Variants in MGAT4C observed in about 807,000 individuals in gnomAD.
MGAT4C encodes the protein alpha-1,3-mannosyl-glycoprotein 4-beta-N-acetylglucosaminyltransferase C.
A neutral mutation model predicts 40.1 loss-of-function variants in MGAT4C; 19 were observed. The ratio of observed to expected loss-of-function variants is 0.47; its 90% CI spans 0.33 to 0.70. The LOEUF (loss-of-function observed/expected upper bound fraction) is 0.70, where lower values mean the gene tolerates loss of function less well. Among genes scored for constraint, MGAT4C ranks in the 30% least tolerant of loss-of-function variants. MGAT4C has a pLI of 0.02. For synonymous variants in MGAT4C, 181 were observed against 187.1 expected, an observed-to-expected ratio of 0.97 and a Z score of 0.27; for missense variants, 491 against 563.2, an observed-to-expected ratio of 0.87 and a Z score of 1.30.
At chr12:86,359,978 T>A (rs1358026015) in intron 3 of MGAT4C, among the ~76,000 whole-genome samples, 1 of 152,166 alleles carries the variant, frequency 6.6e-6, no homozygotes, top group East Asian at 1.9e-4. Flanking sequence ...TAACTCTTTT[T>A]ATGAGGCCAG....
intron 2 of MGAT4C, among the ~76,000 whole-genome samples, chr12:86,684,050 T>C (rs908945648): frequency 3.3e-5 from 5 of 152,192 alleles, no homozygotes; most frequent in Admixed American, 2.0e-4. Context: ...CTACACCCAA[T>C]TATTCATTAC....
At chr12:86,561,577 G>T (rs1168623405) in intron 2 of MGAT4C, among the ~76,000 whole-genome samples, 1 of 152,098 alleles carries the variant, frequency 6.6e-6, no homozygotes. Context: ...TTTTCCAGGG[G>T]CTCTCAGGTC....
At position 85,969,253 on chromosome 12, in the gene MGAT4C, T is replaced by C. The variant is rs1477813986; in HGVS notation, c.*10036A>G. On this transcript the variant is annotated 3_prime_UTR_variant, in exon 5 of 5. Transcript: ENST00000611864. ...TACCAAATACATATTAAACACTCAG[T>C]TCATGTAAGCTATAGGCCAATAAAC... 1 of 151,698 alleles carries C rather than the reference T, an allele frequency of 6.6e-6. No homozygotes were observed. Among genetic ancestry groups the C allele is most frequent in the Non-Finnish European group, 1.5e-5 (1 of 67,708 alleles). The allele number at this position is 151,698 out of a possible 1,614,324, so 9.4% of individuals were successfully genotyped here.
intron 1 of MGAT4C, among the ~76,000 whole-genome samples, chr12:86,237,304 C>T (rs772345459): frequency 1.7e-4 from 26 of 151,702 alleles, no homozygotes; most frequent in Middle Eastern, 3.4e-3. Flanking sequence ...AATAATCCTA[C>T]GTTTTCTTAT....
At position 86,515,404 on chromosome 12, in the gene MGAT4C, TATA is replaced by T. The variant is rs577735935; in HGVS notation, c.-228-80142_-228-80140del. Reference sequence around the variant, plus strand: ...AAAATTCTACAGAATTTAAAAAGCATATAATAACTTATAAACAAATTCAGCAAG... The same window carrying T: ...AAAATTCTACAGAATTTAAAAAGCATATAACTTATAAACAAATTCAGCAAG... On this transcript the variant is annotated intron_variant, in intron 2 of 7. Coordinates refer to the MGAT4C transcript ENST00000548651. Among the ~76,000 whole-genome samples the T allele has an allele frequency of 2.5e-3, 383 of 152,232 alleles. 1 individual carries two copies. Among genetic ancestry groups the T allele is most frequent in the Non-Finnish European group, 3.2e-3 (215 of 68,002 alleles).
intron 2 of MGAT4C, among the ~76,000 whole-genome samples, chr12:86,699,497 CAG>C (rs1328766096): frequency 6.6e-6 from 1 of 151,988 alleles, no homozygotes; most frequent in East Asian, 1.9e-4. Flanking sequence ...AGGACCAGAA[CAG>C]AGTTAAGTTT....
intron 1 of MGAT4C, among the ~76,000 whole-genome samples, chr12:86,130,858 A>G (rs1425560816): frequency 6.6e-6 from 1 of 152,040 alleles, no homozygotes; most frequent in East Asian, 1.9e-4. Context: ...ATATATGCTG[A>G]TGCACAATAC....
chr12:86,510,775 C>G (rs1383792075), intron 2 of MGAT4C, among the ~76,000 whole-genome samples: 1 of 152,150 alleles, frequency 6.6e-6, no homozygotes, highest in Non-Finnish European at 1.5e-5. Flanking sequence ...GGGATCAATT[C>G]AACAAGAAGA....
chr12:86,443,917 AG>A (rs1957285482), intron 2 of MGAT4C, among the ~76,000 whole-genome samples: 1 of 152,082 alleles, frequency 6.6e-6, no homozygotes, highest in Admixed American at 6.5e-5. Flanking sequence ...CTTTTAACAA[AG>A]TTTTACCAAA....
Position 86,669,778 on chromosome 12 carries a change from G to A in MGAT4C, c.-229+57431C>T, listed in dbSNP as rs1964207444. On this transcript the variant is annotated intron_variant, in intron 2 of 7. Coordinates refer to the MGAT4C transcript ENST00000548651. Reference sequence around the variant, plus strand: ...CTCCACAGAATAGCCCATTGCCTAGGCAGCAAAGAACTGCTTACAGTAAAC... The same window carrying A: ...CTCCACAGAATAGCCCATTGCCTAGACAGCAAAGAACTGCTTACAGTAAAC... Among the ~76,000 whole-genome samples, 3 of 152,340 alleles carry A rather than the reference G, an allele frequency of 2.0e-5. No homozygotes were observed. In the South Asian group the frequency reaches 6.2e-4, roughly 32 times the overall value.
chr12:86,119,461 T>C (rs974955289), intron 1 of MGAT4C, among the ~76,000 whole-genome samples: 1 of 152,052 alleles, frequency 6.6e-6, no homozygotes, highest in African/African-American at 2.4e-5. Flanking sequence ...AGTCTTGCTC[T>C]GTTGCAGTGC....
chr12:86,154,246 T>C (rs540586584), intron 1 of MGAT4C, among the ~76,000 whole-genome samples: 1 of 152,280 alleles, frequency 6.6e-6, no homozygotes. Context: ...AAGTATGAAA[T>C]AGGCTGGGAA....
intron 2 of MGAT4C, among the ~76,000 whole-genome samples, chr12:86,520,202 C>T (rs975342383): frequency 6.6e-6 from 1 of 151,954 alleles, no homozygotes; most frequent in Admixed American, 6.6e-5. Context: ...TTATTTTTTC[C>T]TGATCCTCTC....
intron 1 of MGAT4C, among the ~76,000 whole-genome samples, chr12:86,106,353 T>A (rs181414300): frequency 6.6e-6 from 1 of 152,282 alleles, no homozygotes; most frequent in East Asian, 1.9e-4. Flanking sequence ...CCGGCTGGAG[T>A]GCAGTGGCAC....
At chr12:86,603,152 G>C (rs1051673013) in intron 2 of MGAT4C, among the ~76,000 whole-genome samples, 3 of 148,376 alleles carry the variant, frequency 2.0e-5, no homozygotes, top group African/African-American at 7.5e-5. Flanking sequence ...AGTTTTAATC[G>C]GGCAGGATGA....
chr12:86,080,945 T>G (rs1348539131), intron 1 of MGAT4C, among the ~76,000 whole-genome samples: 2 of 152,168 alleles, frequency 1.3e-5, no homozygotes, highest in Non-Finnish European at 2.9e-5. Context: ...CAAAAGAAAT[T>G]ATACATTAAA....
intron 1 of MGAT4C, among the ~76,000 whole-genome samples, chr12:86,733,550 G>T (rs1950943355): frequency 6.6e-6 from 1 of 152,108 alleles, no homozygotes; most frequent in South Asian, 2.1e-4. Flanking sequence ...TGTATGTCAA[G>T]AAACCAGGTG....
chr12:86,476,918 G>C (rs1957844925), intron 2 of MGAT4C, among the ~76,000 whole-genome samples: 1 of 151,846 alleles, frequency 6.6e-6, no homozygotes, highest in African/African-American at 2.4e-5. Context: ...ATAGACTGGG[G>C]GATACTACAC....
chr12:86,531,824 T>C (rs922196055), intron 2 of MGAT4C, among the ~76,000 whole-genome samples: 1 of 152,008 alleles, frequency 6.6e-6, no homozygotes, highest in African/African-American at 2.4e-5. Context: ...GTTTGTTATA[T>C]AGGTTTTGGT....
Sources: allele counts gnomAD v4.1 joint callset (sites outside exome capture counted in the v4.1 genomes callset), GRCh38; gene constraint gnomAD v4.1.1; transcripts MANE v1.5; gene names NCBI Gene and HGNC (gene_info 2026-07-23, HGNC 2026-07-21).